TRHDE: variants seen among roughly 807,000 people sequenced by gnomAD.
TRHDE encodes the protein thyrotropin releasing hormone degrading enzyme, also known as thyrotropin-releasing hormone-degrading ectoenzyme.
TRHDE carries 72 observed loss-of-function variants against 125.7 expected under a neutral mutation model. The observed-to-expected ratio is 0.57, with a 90% confidence interval of 0.47 to 0.70. The LOEUF is 0.70. Among genes scored for constraint, TRHDE ranks in the 30% least tolerant of loss-of-function variants. The probability of loss-of-function intolerance (pLI) is 0.00; values close to 1 mark genes in which losing one functional copy is unlikely to be tolerated. For missense variants in TRHDE, 1,110 were observed against 1,327.1 expected, an observed-to-expected ratio of 0.84 and a Z score of 2.54; for synonymous variants, 509 against 509.1, an observed-to-expected ratio of 1.00 and a Z score of 0.00.
chr12:72,422,736 T>A (rs1026331241), intron 3 of TRHDE, among the ~76,000 whole-genome samples: 1 of 152,158 alleles, frequency 6.6e-6, no homozygotes, highest in African/African-American at 2.4e-5. Context: ...GGTTTGAATG[T>A]GTCCCTCAGA....
chr12:72,356,785 C>T (rs547397226), intron 2 of TRHDE, among the ~76,000 whole-genome samples: 2 of 151,374 alleles, frequency 1.3e-5, no homozygotes, highest in African/African-American at 4.8e-5. Context: ...CAAGAATGAC[C>T]TGAGCAGGAT....
At chr12:72,435,802 G>T (rs968296375) in intron 3 of TRHDE, among the ~76,000 whole-genome samples, 1 of 151,720 alleles carries the variant, frequency 6.6e-6, no homozygotes, top group Non-Finnish European at 1.5e-5. Context: ...TTGAACTAAT[G>T]ACCTGATAGG....
intron 10 of TRHDE, among the ~76,000 whole-genome samples, chr12:72,570,902 A>G (rs1049368406): frequency 1.3e-5 from 2 of 152,238 alleles, no homozygotes; most frequent in African/African-American, 4.8e-5. Flanking sequence ...GGACACATTC[A>G]TAGCACTATC....
chr12:72,098,374 A>G lies in TRHDE; in HGVS notation n.175-7274A>G, dbSNP rs543491269. On this transcript the variant is annotated intron_variant and non_coding_transcript_variant, in intron 1 of 4. Transcript: ENST00000548156. ...TATAATATCACAACTAGGACCTTGA[A>G]ATGCTGACATTGATGCAGTCAATCT... is the stretch of plus-strand genomic sequence containing the variant. Among the ~76,000 whole-genome samples, 16 of 152,278 alleles carry G rather than the reference A, an allele frequency of 1.1e-4. No homozygotes were observed. The South Asian group carries it at 3.3e-3, about 32-fold the overall frequency.
intron 3 of TRHDE, among the ~76,000 whole-genome samples, chr12:72,441,511 G>A (rs1875010737): frequency 6.6e-6 from 1 of 151,810 alleles, no homozygotes; most frequent in Admixed American, 6.6e-5. Flanking sequence ...AAAGGGAAAA[G>A]GACAGGAGGT....
At chr12:72,519,866 A>G (rs1342854758) in intron 6 of TRHDE, among the ~76,000 whole-genome samples, 1 of 152,198 alleles carries the variant, frequency 6.6e-6, no homozygotes, top group Admixed American at 6.5e-5. Flanking sequence ...TCTAACAGAC[A>G]GGACCCTCAG....
intron 15 of TRHDE, among the ~76,000 whole-genome samples, chr12:72,631,748 T>G (rs1180004182): frequency 1.3e-5 from 2 of 151,902 alleles, no homozygotes; most frequent in Non-Finnish European, 2.9e-5. Flanking sequence ...TTGGCCAAAA[T>G]AAAATCCATT....
chr12:72,423,403 TTC>T (rs1033034757), intron 3 of TRHDE, among the ~76,000 whole-genome samples: 3 of 152,216 alleles, frequency 2.0e-5, no homozygotes, highest in Admixed American at 1.3e-4. Flanking sequence ...GCTACTTTTC[TTC>T]TCTCAAGACC....
At chr12:72,153,202 C>A (rs1876413123) in intron 2 of TRHDE, among the ~76,000 whole-genome samples, 1 of 152,124 alleles carries the variant, frequency 6.6e-6, no homozygotes, top group South Asian at 2.1e-4. Context: ...TTATAGTATT[C>A]TCTGATGGTA....
At chr12:72,286,129 C>CA (rs1249779580) in intron 1 of TRHDE, among the ~76,000 whole-genome samples, 1 of 152,160 alleles carries the variant, frequency 6.6e-6, no homozygotes, top group Non-Finnish European at 1.5e-5. Flanking sequence ...CCCAAGGTGG[C>CA]ATAGCTAAGA....
intron 2 of TRHDE, among the ~76,000 whole-genome samples, chr12:72,296,463 AAGAC>A (rs1372339246): frequency 6.6e-6 from 1 of 152,182 alleles, no homozygotes; most frequent in Non-Finnish European, 1.5e-5. Flanking sequence ...TGTGAGCAGA[AAGAC>A]AAAGAACTGT....
intron 2 of TRHDE, among the ~76,000 whole-genome samples, chr12:72,216,009 C>T (rs1877883027): frequency 6.6e-6 from 1 of 152,148 alleles, no homozygotes; most frequent in Admixed American, 6.6e-5. Flanking sequence ...CTCTTCTATT[C>T]TACTAAATGA....
chr12:72,464,079 AT>A (rs748433580), intron 3 of TRHDE, among the ~76,000 whole-genome samples: 4 of 152,174 alleles, frequency 2.6e-5, no homozygotes, highest in Non-Finnish European at 2.9e-5. Flanking sequence ...ATTAAGCCAG[AT>A]TAAAAGGGGA....
intron 18 of TRHDE, 134 bp from the exon 19 acceptor site, chr12:72,662,918 T>C: frequency 1.2e-6 from 1 of 853,910 alleles, no homozygotes; most frequent in South Asian, 1.9e-5. Context: ...TAAATATATC[T>C]TCTATAGTGG....
intron 12 of TRHDE, among the ~76,000 whole-genome samples, chr12:72,612,207 T>A (rs1445130653): frequency 6.6e-6 from 1 of 152,194 alleles, no homozygotes; most frequent in Non-Finnish European, 1.5e-5. Context: ...TTCTTCTCCC[T>A]CTAGAATCTG....
At chr12:72,167,730 A>G (rs1175330555) in intron 2 of TRHDE, 1 of 152,180 alleles carries the variant, frequency 6.6e-6, no homozygotes, top group African/African-American at 2.4e-5. Context: ...TGATAAACAT[A>G]TTTCTCCCAT....
rs1268537652 is a variant in TRHDE, at chr12:72,357,227, A to G, written c.1189-20768A>G. 4.0e-5 allele frequency among the ~76,000 whole-genome samples: 6 copies of G among 151,582 alleles called. No homozygotes were observed. In the Admixed American group the frequency reaches 4.0e-4, roughly 10 times the overall value. ...ACCAAAGAAAGACACTGAATAGCCA[A>G]GGCAATCCTAAGCAATAACTATTAC... On this transcript the variant is annotated intron_variant, in intron 2 of 18. Transcript: ENST00000261180.
At chr12:72,620,732 A>T (rs1817875545) in intron 13 of TRHDE, among the ~76,000 whole-genome samples, 1 of 152,126 alleles carries the variant, frequency 6.6e-6, no homozygotes, top group Non-Finnish European at 1.5e-5. Context: ...AAAATGCGTA[A>T]ATATTAGATG....
At chr12:72,411,187 A>T (rs1873488806) in intron 3 of TRHDE, among the ~76,000 whole-genome samples, 1 of 144,716 alleles carries the variant, frequency 6.9e-6, no homozygotes, top group Non-Finnish European at 1.5e-5. Context: ...TAGGCGACAG[A>T]GCGAGACTCC....
Sources: allele counts gnomAD v4.1 joint callset (sites outside exome capture counted in the v4.1 genomes callset), GRCh38; gene constraint gnomAD v4.1.1; transcripts MANE v1.5; gene names NCBI Gene and HGNC (gene_info 2026-07-23, HGNC 2026-07-21).